KCNC2: variants seen among roughly 807,000 people sequenced by gnomAD.
KCNC2 encodes voltage-gated potassium channel KCNC2.
Under a neutral mutation model 44.5 loss-of-function variants are expected in KCNC2, and 21 were observed. The observed-to-expected ratio is 0.47, with a 90% CI of 0.33 to 0.68. The LOEUF (loss-of-function observed/expected upper bound fraction) is 0.68, where lower values mean the gene tolerates loss of function less well. KCNC2 is among the 30% of genes least tolerant of loss of function. The probability of loss-of-function intolerance (pLI) is 0.01; values close to 1 mark genes in which losing one functional copy is unlikely to be tolerated. For missense variants in KCNC2, 589 were observed against 826.2 expected (o/e 0.71, Z 3.52); for synonymous variants, 391 against 339.1 (o/e 1.15, Z -1.68).
At chr12:75,074,172 CAG>C (rs1883686332) in intron 2 of KCNC2, among the ~76,000 whole-genome samples, 3 of 148,918 alleles carry the variant, frequency 2.0e-5, no homozygotes, top group Non-Finnish European at 3.0e-5. Context: ...CAGTACTAGT[CAG>C]AGGAAAAATA....
chr12:75,126,438 G>A (rs1888430779), intron 2 of KCNC2, among the ~76,000 whole-genome samples: 1 of 152,046 alleles, frequency 6.6e-6, no homozygotes, highest in African/African-American at 2.4e-5. Flanking sequence ...CTTGAATAAA[G>A]CATTTTTATA....
chr12:75,074,068 A>G (rs894198960), intron 2 of KCNC2, among the ~76,000 whole-genome samples: 2 of 152,142 alleles, frequency 1.3e-5, no homozygotes, highest in African/African-American at 2.4e-5. Flanking sequence ...AAAAAGAATA[A>G]TAAATAAAAA....
In KCNC2 at chr12:75,178,992, A is replaced by G. The variant is rs186970812; in HGVS notation, c.687+28305T>C. 2.5e-4 allele frequency among the ~76,000 whole-genome samples: 38 copies of G among 152,064 alleles called. No homozygotes were observed. The East Asian group carries it at 5.2e-3, about 21-fold the overall frequency. ...AATGTTTTTTCCCTATAGAAAACAA[A>G]CAAACAAACAAACAAAACAGTAGAA... On this transcript the variant is annotated intron_variant, in intron 2 of 4. Transcript: ENST00000549446.
At chr12:75,138,616 A>C (rs1332795476) in intron 2 of KCNC2, among the ~76,000 whole-genome samples, 5 of 152,080 alleles carry the variant, frequency 3.3e-5, no homozygotes, top group Admixed American at 3.3e-4. Flanking sequence ...TACTGAGTTG[A>C]CTTTGGGCAA....
At chr12:75,119,828 A>T (rs1887927386) in intron 2 of KCNC2, among the ~76,000 whole-genome samples, 2 of 152,236 alleles carry the variant, frequency 1.3e-5, no homozygotes, top group Admixed American at 1.3e-4. Context: ...CAAAAAGTTT[A>T]GTGTAATATT....
intron 2 of KCNC2, among the ~76,000 whole-genome samples, chr12:75,089,317 A>G (rs1016404485): frequency 9.9e-5 from 15 of 151,924 alleles, no homozygotes; most frequent in African/African-American, 3.4e-4. Flanking sequence ...ATGTTAAATA[A>G]GAAAGTGTCA....
In KCNC2 at chr12:75,093,207, G is replaced by A. The variant is rs577415294; in HGVS notation, c.688-41890C>T. On this transcript the variant is annotated intron_variant, in intron 2 of 4. Transcript: ENST00000549446. ...TAAATGTACATATTCAAATAGAATGGCAACAATTCATAAAGTAGATTAAAT... is the reference window on the plus strand; with the variant it reads ...TAAATGTACATATTCAAATAGAATGACAACAATTCATAAAGTAGATTAAAT... Among the ~76,000 whole-genome samples the A allele has an allele frequency of 2.6e-5, 4 of 151,538 alleles. No homozygotes were observed. The East Asian group carries it at 7.8e-4, about 29-fold the overall frequency.
rs149072164 is a variant in KCNC2, at chr12:75,197,703, T to C, written c.687+9594A>G. ...TAGAAACTCTGATGCTTTTTTTCTT[T>C]CCCAGTTTGTTTAGTTAAAGGAGAA... On this transcript the variant is annotated intron_variant, in intron 2 of 4. Coordinates refer to ENST00000549446, the MANE Select transcript of KCNC2 (RefSeq NM_139137.4). Among the ~76,000 whole-genome samples the C allele has an allele frequency of 3.7e-3, 569 of 152,082 alleles. 1 individual carries two copies. Among genetic ancestry groups the C allele is most frequent in the African/African-American group, 0.013 (535 of 41,544 alleles).
intron 2 of KCNC2, among the ~76,000 whole-genome samples, chr12:75,076,682 T>C (rs989054102): frequency 2.0e-5 from 3 of 152,226 alleles, no homozygotes; most frequent in African/African-American, 7.2e-5. Flanking sequence ...GATTCTCCTC[T>C]AGAATATTAG....
chr12:75,181,804 A>G (rs2137647759), intron 2 of KCNC2, among the ~76,000 whole-genome samples: 1 of 152,032 alleles, frequency 6.6e-6, no homozygotes, highest in African/African-American at 2.4e-5. Flanking sequence ...TTACCACAAT[A>G]ATTAACAATA....
At chr12:75,072,888 T>C (rs768011568) in intron 2 of KCNC2, among the ~76,000 whole-genome samples, 6 of 152,216 alleles carry the variant, frequency 3.9e-5, no homozygotes, top group Non-Finnish European at 7.4e-5. Context: ...ACTTGCCAAC[T>C]ATTATGGGAT....
rs1407573841 is a variant in KCNC2 at position 75,111,588 on chromosome 12, C to T, written c.688-60271G>A. 2.6e-5 allele frequency among the ~76,000 whole-genome samples: 4 copies of T among 151,670 alleles called. No individual in the cohort carries two copies. In the East Asian group the frequency reaches 7.7e-4, roughly 29 times the overall value. ...TATTTTTTTTCAAAGTGATTTTTTT[C>T]TCCAATTTTTATTGGTACCAATAAT... On this transcript the variant is annotated intron_variant, in intron 2 of 4. Coordinates refer to ENST00000549446, the MANE Select transcript of KCNC2 (RefSeq NM_139137.4).
intron 2 of KCNC2, among the ~76,000 whole-genome samples, chr12:75,201,305 T>C: frequency 8.6e-6 from 1 of 116,534 alleles, no homozygotes; most frequent in Non-Finnish European, 1.8e-5. Flanking sequence ...AAAACCAGAT[T>C]CTGGTTTACT....
chr12:75,076,038 T>TACACACACACACACAC (rs71078709), intron 2 of KCNC2, among the ~76,000 whole-genome samples: 8 of 141,342 alleles, frequency 5.7e-5, no homozygotes, highest in South Asian at 2.3e-4. Context: ...TAATGTTACA[T>TACACACACACACACAC]ACACACACAC....
At chr12:75,110,809 A>G (rs989062654) in intron 2 of KCNC2, among the ~76,000 whole-genome samples, 11 of 152,140 alleles carry the variant, frequency 7.2e-5, no homozygotes, top group African/African-American at 1.4e-4. Flanking sequence ...AAAAAAGAAG[A>G]TAAATATTCA....
intron 2 of KCNC2, among the ~76,000 whole-genome samples, chr12:75,133,220 G>T (rs1380981769): frequency 6.6e-6 from 1 of 151,754 alleles, no homozygotes; most frequent in Non-Finnish European, 1.5e-5. Context: ...GTGTTTGATA[G>T]CACAATGGGA....
chr12:75,115,841 C>A (rs1299986589), intron 2 of KCNC2, among the ~76,000 whole-genome samples: 1 of 152,062 alleles, frequency 6.6e-6, no homozygotes, highest in Admixed American at 6.6e-5. Flanking sequence ...ACCCTCCCCC[C>A]AAAATAATGA....
At chr12:75,165,351 C>A (rs1891376996) in intron 2 of KCNC2, among the ~76,000 whole-genome samples, 1 of 151,466 alleles carries the variant, frequency 6.6e-6, no homozygotes, top group African/African-American at 2.4e-5. Flanking sequence ...TGCTGTCCCT[C>A]AACTCCGCTC....
chr12:75,112,029 A>G (rs1157700130), intron 2 of KCNC2, among the ~76,000 whole-genome samples: 3 of 152,112 alleles, frequency 2.0e-5, no homozygotes, highest in Non-Finnish European at 4.4e-5. Flanking sequence ...TGCAGTTTAT[A>G]CTAGATTTTG....
Sources: allele counts gnomAD v4.1 joint callset (sites outside exome capture counted in the v4.1 genomes callset), GRCh38; gene constraint gnomAD v4.1.1; transcripts MANE v1.5; gene names NCBI Gene and HGNC (gene_info 2026-07-23, HGNC 2026-07-21).